MAD1L1: variants seen among roughly 807,000 people sequenced by gnomAD.
The protein encoded by MAD1L1 is mitotic arrest deficient 1 like 1, also known as mitotic spindle assembly checkpoint protein MAD1.
A neutral mutation model predicts 96.9 loss-of-function variants in MAD1L1; 95 were observed. The ratio of observed to expected loss-of-function variants is 0.98; its 90% confidence interval spans 0.83 to 1.16. The LOEUF (loss-of-function observed/expected upper bound fraction) is 1.16, where lower values mean the gene tolerates loss of function less well. MAD1L1 is among the 50% of genes most tolerant of loss of function. The pLI is 0.00. For synonymous variants in MAD1L1, 473 were observed against 396.6 expected (o/e 1.19, Z -2.29); for missense variants, 1,007 against 954.4 (o/e 1.06, Z -0.73).
chr7:2,007,187 G>C (rs555635557), intron 13 of MAD1L1, among the ~76,000 whole-genome samples: 1 of 152,162 alleles, frequency 6.6e-6, no homozygotes, highest in African/African-American at 2.4e-5. Flanking sequence ...CACGGGAAAC[G>C]CTGGGCACGT....
intron 4 of MAD1L1, among the ~76,000 whole-genome samples, chr7:2,223,056 G>C (rs905428990): frequency 6.6e-6 from 1 of 152,204 alleles, no homozygotes; most frequent in African/African-American, 2.4e-5. Flanking sequence ...TGCAGGGAGA[G>C]GGGGCATGGG....
chr7:2,229,796 C>T (rs1794100287), intron 3 of MAD1L1, among the ~76,000 whole-genome samples, 188 bp downstream of exon 3: 1 of 152,284 alleles, frequency 6.6e-6, no homozygotes, highest in Non-Finnish European at 1.5e-5. Context: ...CAGGATGGCT[C>T]AGGGCCCCAA....
intron 18 of MAD1L1, among the ~76,000 whole-genome samples, chr7:1,865,158 C>G (rs984278926): frequency 6.6e-6 from 1 of 152,192 alleles, no homozygotes; most frequent in African/African-American, 2.4e-5. Flanking sequence ...CGGAAGGGGG[C>G]ACATGCGTGA....
chr7:2,042,408 T>C (rs1056587971), intron 12 of MAD1L1, among the ~76,000 whole-genome samples: 2 of 152,128 alleles, frequency 1.3e-5, no homozygotes, highest in Non-Finnish European at 2.9e-5. Flanking sequence ...CCACCGACCT[T>C]TTCACACTCC....
intron 16 of MAD1L1, among the ~76,000 whole-genome samples, chr7:1,941,242 C>T (rs960002950): frequency 2.0e-5 from 3 of 152,176 alleles, no homozygotes; most frequent in African/African-American, 7.2e-5. Flanking sequence ...GTCCTGGCAA[C>T]GTTCAACGTT....
intron 13 of MAD1L1, among the ~76,000 whole-genome samples, chr7:2,004,525 C>A (rs1241040099): frequency 6.6e-6 from 1 of 152,214 alleles, no homozygotes; most frequent in East Asian, 1.9e-4. Context: ...AGCAGCAGGG[C>A]TGAGAGCTGT....
chr7:1,983,888 G>A lies in MAD1L1; in HGVS notation c.1417-3347C>T, dbSNP rs1781035504. Among the ~76,000 whole-genome samples the A allele has an allele frequency of 7.2e-5, 11 of 152,092 alleles. No individual in the cohort carries two copies. In the South Asian group the frequency reaches 2.1e-3, roughly 29 times the overall value. On this transcript the variant is annotated intron_variant, in intron 14 of 18. Coordinates refer to ENST00000265854, the MANE Select transcript of MAD1L1 (RefSeq NM_001013836.2). ...TTTTATTTCAAATAACAGGTATTTG[G>A]ACTTATTTATTATTTCTACCATTTT...
At chr7:1,887,699 A>C (rs991606985) in intron 18 of MAD1L1, among the ~76,000 whole-genome samples, 6 of 137,424 alleles carry the variant, frequency 4.4e-5, no homozygotes, top group African/African-American at 1.4e-4. Context: ...GTGGCTGTGC[A>C]TGCATAGGCA....
intron 18 of MAD1L1, among the ~76,000 whole-genome samples, chr7:1,821,343 T>C (rs1003864906): frequency 2.6e-5 from 4 of 152,134 alleles, no homozygotes; most frequent in Non-Finnish European, 5.9e-5. Context: ...CAGTCCCAGA[T>C]GGTTTCACTA....
At chr7:1,855,999 C>T (rs1342884114) in intron 18 of MAD1L1, among the ~76,000 whole-genome samples, 2 of 152,166 alleles carry the variant, frequency 1.3e-5, no homozygotes, top group Non-Finnish European at 1.5e-5. Context: ...AGGGGAGGCA[C>T]TTCCTCGCGG....
intron 11 of MAD1L1, among the ~76,000 whole-genome samples, chr7:2,148,172 C>T (rs964676336): frequency 6.6e-6 from 1 of 152,164 alleles, no homozygotes; most frequent in Non-Finnish European, 1.5e-5. Flanking sequence ...GACATCAGCC[C>T]CCAAAATAAG....
chr7:1,958,996 A>C (rs1288450776), intron 15 of MAD1L1, among the ~76,000 whole-genome samples: 1 of 152,254 alleles, frequency 6.6e-6, no homozygotes, highest in Non-Finnish European at 1.5e-5. Context: ...TCACGCCTGT[A>C]ATCCCAGCAC....
chr7:1,843,215 C>T (rs1783380686), intron 18 of MAD1L1, among the ~76,000 whole-genome samples: 2 of 152,222 alleles, frequency 1.3e-5, no homozygotes, highest in South Asian at 4.1e-4. Context: ...TCACCTTGAA[C>T]CCTGCAGAAT....
chr7:2,036,929 G>A (rs918781275), intron 12 of MAD1L1, among the ~76,000 whole-genome samples: 8 of 151,952 alleles, frequency 5.3e-5, no homozygotes, highest in African/African-American at 9.7e-5. Flanking sequence ...GGCACGCTCC[G>A]CCTCCTGAAC....
At position 2,216,150 on chromosome 7, in the gene MAD1L1, C is replaced by T. The variant is rs764338719; in HGVS notation, c.809+7G>A. The T allele has an allele frequency of 1.4e-5, 22 of 1,611,854 alleles. No individual in the cohort carries two copies. The highest frequency in any genetic ancestry group is 1.8e-5 in the Non-Finnish European group (21 of 1,179,508). ...AGGCGGCTGCCCCATCCCCCGCAACCCCTCACCGCAGGTGCGCGCTCTCCT... is the reference window on the plus strand; with the variant it reads ...AGGCGGCTGCCCCATCCCCCGCAACTCCTCACCGCAGGTGCGCGCTCTCCT... On this transcript the variant is annotated splice_region_variant and intron_variant, in intron 8 of 18. Transcript: ENST00000265854.
chr7:2,178,336 G>A (rs774123223), intron 10 of MAD1L1, among the ~76,000 whole-genome samples: 5 of 152,118 alleles, frequency 3.3e-5, no homozygotes, highest in African/African-American at 4.8e-5. Context: ...TGGACAAACC[G>A]TACAACCAGT....
chr7:2,201,662 G>A (rs970275567), intron 10 of MAD1L1, among the ~76,000 whole-genome samples: 3 of 152,194 alleles, frequency 2.0e-5, no homozygotes, highest in African/African-American at 4.8e-5. Flanking sequence ...AAAGAGCTCC[G>A]AGACCAAGTG....
chr7:2,070,713 G>C (rs1052459394), intron 11 of MAD1L1, among the ~76,000 whole-genome samples: 4 of 152,226 alleles, frequency 2.6e-5, no homozygotes, highest in Non-Finnish European at 5.9e-5. Context: ...CACTGGGATA[G>C]AGAAAAGCTA....
intron 7 of MAD1L1, among the ~76,000 whole-genome samples, chr7:2,216,578 C>T (rs1256510083): frequency 6.6e-6 from 1 of 152,108 alleles, no homozygotes; most frequent in Non-Finnish European, 1.5e-5. Flanking sequence ...TACACTGTCC[C>T]ACTCCAAGAG....
Sources: gnomAD v4.1 joint callset for allele counts (sites outside exome capture counted in the v4.1 genomes callset) on GRCh38, gnomAD v4.1.1 for gene constraint, MANE v1.5 for transcripts, NCBI Gene and HGNC (gene_info 2026-07-23, HGNC 2026-07-21) for gene names.